THSD7A: variants seen among roughly 807,000 people sequenced by gnomAD.
The protein encoded by THSD7A is thrombospondin type 1 domain containing 7A.
THSD7A carries 96 observed loss-of-function variants against 231.3 expected under a neutral mutation model. The observed-to-expected ratio is 0.41, with a 90% CI of 0.35 to 0.49. The LOEUF is 0.49. THSD7A is among the 20% of genes least tolerant of loss of function. The probability of loss-of-function intolerance (pLI) is 0.05; values close to 1 mark genes in which losing one functional copy is unlikely to be tolerated. For missense variants in THSD7A, 2,290 were observed against 2,070.2 expected (o/e 1.11, Z -2.06); for synonymous variants, 940 against 743.3 (o/e 1.26, Z -4.30).
intron 6 of THSD7A, among the ~76,000 whole-genome samples, chr7:11,485,800 T>C (rs927146725): frequency 1.3e-5 from 2 of 152,208 alleles, no homozygotes; most frequent in South Asian, 4.1e-4. Context: ...GTGATGCATG[T>C]TGCCAGCCAC....
intron 1 of THSD7A, among the ~76,000 whole-genome samples, chr7:11,828,125 A>G (rs1785083733): frequency 6.6e-6 from 1 of 152,188 alleles, no homozygotes; most frequent in African/African-American, 2.4e-5. Flanking sequence ...GACAAACAAA[A>G]TATCACTCTT....
rs1785378753 is a variant in THSD7A at position 11,458,343 on chromosome 7, A to G, written c.2605+2319T>C. Reference sequence around the variant, plus strand: ...CTTGCAATTAGTAAAAGATACTTCTACATTCTTAAGATTCTCCACTTCATG... The same window carrying G: ...CTTGCAATTAGTAAAAGATACTTCTGCATTCTTAAGATTCTCCACTTCATG... On this transcript the variant is annotated intron_variant, in intron 11 of 27. Transcript: ENST00000423059. Among the ~76,000 whole-genome samples the G allele has an allele frequency of 2.0e-5, 3 of 152,132 alleles. No individual in the cohort carries two copies. In the South Asian group the frequency reaches 6.2e-4, roughly 31 times the overall value.
intron 1 of THSD7A, among the ~76,000 whole-genome samples, chr7:11,756,939 C>T (rs889769766): frequency 6.6e-6 from 1 of 152,078 alleles, no homozygotes; most frequent in East Asian, 1.9e-4. Context: ...TTATTGCATG[C>T]TGAATTCTGG....
chr7:11,777,999 A>G (rs1210891150), intron 1 of THSD7A, among the ~76,000 whole-genome samples: 2 of 150,064 alleles, frequency 1.3e-5, no homozygotes, highest in East Asian at 2.0e-4. Flanking sequence ...AATACAAAAA[A>G]AAAAAAAATT....
Position 11,636,835 on chromosome 7 carries a change from T to C in THSD7A, c.317A>G (p.Asn106Ser), listed in dbSNP as rs763253502. The C allele has an allele frequency of 9.9e-6, 16 of 1,613,812 alleles. No individual in the cohort carries two copies. Among genetic ancestry groups the C allele is most frequent in the African/African-American group, 1.3e-5 (1 of 74,900 alleles). The change falls in exon 2 of 28, where the codon AAT becomes AGT. Residue 106 changes from asparagine (N) to serine (S), a missense_variant. Transcript: ENST00000423059. This position sits in a 1 kb window ranked among gnomAD's most constrained non-coding sequence, Gnocchi z 10.0. ...HTNCKQAERPNNQQNCFKVCD... is the reference protein window; with the variant it reads ...HTNCKQAERPSNQQNCFKVCD... ...AACTTTGAAACAATTCTGCTGGTTATTGGGTCTCTCGGCCTGCTTACAGTT... is the reference window on the plus strand; with the variant it reads ...AACTTTGAAACAATTCTGCTGGTTACTGGGTCTCTCGGCCTGCTTACAGTT...
chr7:11,742,003 G>T (rs1176216222), intron 1 of THSD7A, among the ~76,000 whole-genome samples: 1 of 151,856 alleles, frequency 6.6e-6, no homozygotes, highest in African/African-American at 2.4e-5. Context: ...CTTGTCCAAG[G>T]TTACACAAGG....
intron 1 of THSD7A, among the ~76,000 whole-genome samples, chr7:11,640,270 G>A (rs757994908): frequency 2.6e-5 from 4 of 152,132 alleles, no homozygotes; most frequent in Non-Finnish European, 5.9e-5. Context: ...TTGAATGAAT[G>A]AATAAAATCA....
rs1785477656 is a variant in THSD7A, at chr7:11,460,783, A to C, written c.2502-18T>G. 6.2e-7 allele frequency: 1 copy of C among 1,603,944 alleles called. No individual in the cohort carries two copies. Among genetic ancestry groups the C allele is most frequent in the African/African-American group, 1.3e-5 (1 of 74,738 alleles). On this transcript the variant is annotated intron_variant, in intron 10 of 27. Coordinates refer to ENST00000423059, the MANE Select transcript of THSD7A (RefSeq NM_015204.3). ...TCTTCCACCTACAAGACAGGAACAG[A>C]AGCCCAGTGGGGAAGAAGCAAAAAT... is the stretch of plus-strand genomic sequence containing the variant.
chr7:11,749,337 C>T (rs1030036619), intron 1 of THSD7A, among the ~76,000 whole-genome samples: 1 of 151,870 alleles, frequency 6.6e-6, no homozygotes, highest in East Asian at 1.9e-4. Context: ...TTGCTGTGCA[C>T]CCCCCACATA....
At chr7:11,530,611 G>A (rs967835838) in intron 6 of THSD7A, among the ~76,000 whole-genome samples, 10 of 152,166 alleles carry the variant, frequency 6.6e-5, no homozygotes, top group African/African-American at 2.2e-4. Context: ...ATGGTGTAAT[G>A]AAGGGAGGGG....
At chr7:11,781,388 C>G (rs10271655) in intron 1 of THSD7A, among the ~76,000 whole-genome samples, 47,408 of 151,604 alleles carry the variant, frequency 0.31, 7,763 homozygotes, top group Middle Eastern at 0.42. Flanking sequence ...CCAGGAGTTT[C>G]AGGCTGCAAA....
intron 1 of THSD7A, among the ~76,000 whole-genome samples, chr7:11,648,278 T>C (rs557744850): frequency 6.6e-6 from 1 of 152,044 alleles, no homozygotes; most frequent in Admixed American, 6.6e-5. Context: ...CATTTGCAAG[T>C]AGCGCCAAAA....
chr7:11,576,158 T>G (rs2128336273), intron 4 of THSD7A, among the ~76,000 whole-genome samples: 1 of 152,326 alleles, frequency 6.6e-6, no homozygotes, highest in East Asian at 1.9e-4. Flanking sequence ...TCATTATTGG[T>G]TTGATATCCT....
intron 11 of THSD7A, among the ~76,000 whole-genome samples, chr7:11,456,394 C>A (rs1461225019): frequency 6.6e-6 from 1 of 152,012 alleles, no homozygotes; most frequent in Non-Finnish European, 1.5e-5. Context: ...AAGAATGCTG[C>A]AATTTCATCC....
intron 1 of THSD7A, among the ~76,000 whole-genome samples, chr7:11,773,971 C>A (rs4403315): frequency 0.25 from 38,041 of 151,832 alleles, 4,959 homozygotes; most frequent in Middle Eastern, 0.41. Context: ...TATAAATAAC[C>A]CAAGTTTACC....
intron 6 of THSD7A, among the ~76,000 whole-genome samples, chr7:11,493,650 T>C (rs1786986929): frequency 6.6e-6 from 1 of 152,132 alleles, no homozygotes; most frequent in South Asian, 2.1e-4. Context: ...AGTTATTTAA[T>C]TGAAGGTAAA....
At chr7:11,388,581 TTTC>T (rs1259661294) in intron 23 of THSD7A, among the ~76,000 whole-genome samples, 7 of 152,196 alleles carry the variant, frequency 4.6e-5, no homozygotes, top group African/African-American at 1.7e-4. Context: ...TGTTCTCTCT[TTTC>T]TTCTTTCTTC....
At chr7:11,473,429 C>T (rs1418876078) in intron 8 of THSD7A, among the ~76,000 whole-genome samples, 1 of 152,146 alleles carries the variant, frequency 6.6e-6, no homozygotes, top group Non-Finnish European at 1.5e-5. Context: ...GAAGATTACA[C>T]ACAATATTTA....
intron 1 of THSD7A, chr7:11,751,293 T>C (rs544379113): frequency 1.3e-5 from 2 of 148,350 alleles, no homozygotes; most frequent in South Asian, 4.2e-4. Context: ...GGCTTTTCTA[T>C]TAGGGGAGGA....
Sources: allele counts gnomAD v4.1 joint callset (sites outside exome capture counted in the v4.1 genomes callset), GRCh38; gene constraint gnomAD v4.1.1; non-coding constraint Gnocchi (gnomAD v3.1); transcripts MANE v1.5; gene names NCBI Gene and HGNC (gene_info 2026-07-23, HGNC 2026-07-21).